Variants in SPMIP6 observed in about 807,000 individuals in gnomAD.
The protein encoded by SPMIP6 is ciliated bronchial epithelial protein 1.
chr9:34,380,344 G>C, the SPMIP6 span, among the ~76,000 whole-genome samples: 2 of 152,332 alleles, frequency 1.3e-5, no homozygotes, highest in African/African-American at 2.4e-5. Flanking sequence ...TACCTCCGCA[G>C]GTGGTGCGGG....
the SPMIP6 span, chr9:34,382,758 G>A: frequency 1.9e-6 from 3 of 1,611,976 alleles, no homozygotes; most frequent in Admixed American, 1.7e-5. Flanking sequence ...AGATACCTTA[G>A]GCAGCCGAGG....
chr9:34,392,266 G>T, the SPMIP6 span, among the ~76,000 whole-genome samples: 1 of 152,054 alleles, frequency 6.6e-6, no homozygotes, highest in Admixed American at 6.6e-5. The surrounding 1 kb of genome is among the most constrained non-coding windows in gnomAD (Gnocchi z 4.6). Flanking sequence ...GTCTTGTTAT[G>T]TTGTCCAGGC....
At chr9:34,380,791 A>G in the SPMIP6 span, 5 of 1,517,472 alleles carry the variant, frequency 3.3e-6, no homozygotes, top group East Asian at 5.0e-5. Context: ...GGGCTAGAGC[A>G]GGCTGGGGGC....
chr9:34,391,170 G>A, the SPMIP6 span, among the ~76,000 whole-genome samples: 6 of 152,122 alleles, frequency 3.9e-5, no homozygotes, highest in Non-Finnish European at 5.9e-5. Flanking sequence ...GGTTTGGCAA[G>A]TTTTATTTTT....
chr9:34,396,187 A>G, the SPMIP6 span, among the ~76,000 whole-genome samples: 1 of 152,150 alleles, frequency 6.6e-6, no homozygotes, highest in South Asian at 2.1e-4. Context: ...GCTTCCTGAA[A>G]GGGCATACGA....
the SPMIP6 span, chr9:34,380,827 A>C: frequency 2.1e-6 from 2 of 955,970 alleles, no homozygotes; most frequent in Non-Finnish European, 2.9e-6. Flanking sequence ...CCGGGCTGGA[A>C]GGGGGCGGGG....
the SPMIP6 span, among the ~76,000 whole-genome samples, chr9:34,394,656 A>C: frequency 6.6e-6 from 1 of 152,082 alleles, no homozygotes; most frequent in African/African-American, 2.4e-5. Context: ...ATTGAAGATA[A>C]ATATGTGTGT....
the SPMIP6 span, chr9:34,380,838 T>C: frequency 6.6e-7 from 1 of 1,517,158 alleles, no homozygotes; most frequent in Non-Finnish European, 8.8e-7. Flanking sequence ...GGGGGCGGGG[T>C]TCTGGGGCGG....
the SPMIP6 span, chr9:34,385,623 GGGTGA>G: frequency 6.2e-7 from 1 of 1,610,522 alleles, no homozygotes; most frequent in Non-Finnish European, 8.5e-7. Context: ...GGTCAGCAAA[GGGTGA>G]GGCCTTACCT....
At chr9:34,380,451 G>A in the SPMIP6 span, among the ~76,000 whole-genome samples, 1 of 152,190 alleles carries the variant, frequency 6.6e-6, no homozygotes, top group African/African-American at 2.4e-5. Flanking sequence ...CGGTGACGGG[G>A]GACCAGCAAG....
chr9:34,386,834 C>T, the SPMIP6 span, among the ~76,000 whole-genome samples: 150 of 152,254 alleles, frequency 9.9e-4, no homozygotes, highest in African/African-American at 3.3e-3. Context: ...GGCCTCCCTT[C>T]GGGGCCCCTT....
At chr9:34,379,697 T>G in the SPMIP6 span, 1 of 1,613,986 alleles carries the variant, frequency 6.2e-7, no homozygotes, top group African/African-American at 1.3e-5. The surrounding 1 kb of genome is among the most constrained non-coding windows in gnomAD (Gnocchi z 4.2). Flanking sequence ...AACAGCACAC[T>G]GCATTCCGGG....
the SPMIP6 span, chr9:34,379,552 G>C: frequency 8.9e-7 from 1 of 1,121,808 alleles, no homozygotes; most frequent in Non-Finnish European, 1.4e-6. The surrounding 1 kb of genome is among the most constrained non-coding windows in gnomAD (Gnocchi z 4.2). Context: ...ACCGCGGAGC[G>C]TTCTCATCCC....
chr9:34,388,942 T>C, the SPMIP6 span, among the ~76,000 whole-genome samples: 2 of 149,460 alleles, frequency 1.3e-5, no homozygotes, highest in Non-Finnish European at 3.0e-5. Flanking sequence ...CTTTTTTTTT[T>C]TTTTTTTTTG....
chr9:34,381,506 T>C, the SPMIP6 span: 20 of 1,610,272 alleles, frequency 1.2e-5, no homozygotes, highest in Non-Finnish European at 1.7e-5. This position sits in a 1 kb window ranked among gnomAD's most constrained non-coding sequence, Gnocchi z 4.4. Context: ...CTTTTAGGGG[T>C]CCTCCCAGAA....
the SPMIP6 span, chr9:34,385,631 C>G: frequency 9.9e-6 from 16 of 1,611,170 alleles, no homozygotes; most frequent in Non-Finnish European, 1.4e-5. Flanking sequence ...AAGGGTGAGG[C>G]CTTACCTTCC....
chr9:34,380,902 A>G, the SPMIP6 span: 1 of 1,571,460 alleles, frequency 6.4e-7, no homozygotes, highest in Non-Finnish European at 8.6e-7. Context: ...CGAACCTTAC[A>G]GTCGGTTGCT....
At chr9:34,379,557 C>T in the SPMIP6 span, 3 of 1,173,620 alleles carry the variant, frequency 2.6e-6, no homozygotes, top group Non-Finnish European at 2.6e-6. The surrounding 1 kb of genome is among the most constrained non-coding windows in gnomAD (Gnocchi z 4.2). Context: ...GGAGCGTTCT[C>T]ATCCCGTCTA....
the SPMIP6 span, chr9:34,381,750 G>C: frequency 1.6e-6 from 2 of 1,277,636 alleles, no homozygotes; most frequent in East Asian, 3.1e-5. The surrounding 1 kb of genome is among the most constrained non-coding windows in gnomAD (Gnocchi z 4.4). Flanking sequence ...CTGTTTAGCT[G>C]TGTCTGGGTG....
Sources: gnomAD v4.1 joint callset for allele counts (sites outside exome capture counted in the v4.1 genomes callset) on GRCh38, gnomAD v4.1.1 for gene constraint, Gnocchi (gnomAD v3.1) non-coding constraint, MANE v1.5 for transcripts, NCBI Gene and HGNC (gene_info 2026-07-23, HGNC 2026-07-21) for gene names.